EPM2A: variants seen among roughly 807,000 people sequenced by gnomAD.
EPM2A encodes the protein laforin.
In EPM2A, 21 loss-of-function variants were observed where a neutral mutation model predicts 26.5. The ratio of observed to expected loss-of-function variants is 0.79; its 90% CI spans 0.56 to 1.14. The LOEUF is 1.14. Among genes scored for constraint, EPM2A ranks in the 50% most tolerant of loss-of-function variants. The pLI, the probability that EPM2A is intolerant of heterozygous loss-of-function variation, is 0.00. For synonymous variants in EPM2A, 217 were observed against 177.6 expected (o/e 1.22, Z -1.76); for missense variants, 458 against 440.8 (o/e 1.04, Z -0.35).
intron 2 of EPM2A, among the ~76,000 whole-genome samples, chr6:145,518,314 A>T (rs1422846272): frequency 6.6e-6 from 1 of 152,064 alleles, no homozygotes; most frequent in Non-Finnish European, 1.5e-5. Context: ...TTTTGGGGTG[A>T]TTTATTTTGG....
intron 4 of EPM2A, chr6:145,491,620 C>G (rs151245054): frequency 2.8e-6 from 1 of 359,302 alleles, no homozygotes; most frequent in East Asian, 7.8e-5. Flanking sequence ...TTGGAAATGA[C>G]ATTCGAGTGG....
intron 1 of EPM2A, among the ~76,000 whole-genome samples, chr6:145,719,087 A>G (rs537907813): frequency 6.6e-6 from 1 of 152,316 alleles, no homozygotes; most frequent in South Asian, 2.1e-4. Flanking sequence ...ATCTAGAACT[A>G]GAAATACCAT....
At chr6:145,434,071 T>G (rs921916400) in intron 4 of EPM2A, among the ~76,000 whole-genome samples, 5 of 152,096 alleles carry the variant, frequency 3.3e-5, no homozygotes, top group African/African-American at 1.2e-4. Context: ...GATATTTTCC[T>G]TGGGTATTGA....
intron 1 of EPM2A, among the ~76,000 whole-genome samples, chr6:145,727,699 GA>G (rs1344641969): frequency 6.6e-6 from 1 of 152,180 alleles, no homozygotes; most frequent in Non-Finnish European, 1.5e-5. Context: ...TGTTGTACAT[GA>G]TATTTTTGTT....
intron 1 of EPM2A, among the ~76,000 whole-genome samples, chr6:145,704,225 C>A (rs6914491): frequency 6.6e-6 from 1 of 151,960 alleles, no homozygotes; most frequent in Non-Finnish European, 1.5e-5. Context: ...TATCTGAATT[C>A]TTTGAGAGAA....
intron 1 of EPM2A, among the ~76,000 whole-genome samples, chr6:145,727,604 A>T (rs769172652): frequency 1.3e-5 from 2 of 152,118 alleles, no homozygotes; most frequent in Non-Finnish European, 2.9e-5. Flanking sequence ...CAGGATATAA[A>T]AGAATGAATA....
At chr6:145,606,499 G>A (rs992135187) in intron 2 of EPM2A, among the ~76,000 whole-genome samples, 10 of 150,338 alleles carry the variant, frequency 6.7e-5, no homozygotes, top group African/African-American at 2.4e-4. Flanking sequence ...CTTTTAAATG[G>A]GAAATATTTC....
intron 1 of EPM2A, among the ~76,000 whole-genome samples, chr6:145,720,351 T>C (rs1198832041): frequency 6.6e-6 from 1 of 152,188 alleles, no homozygotes; most frequent in African/African-American, 2.4e-5. Flanking sequence ...TTACATAAAA[T>C]AGTTTTACTT....
chr6:145,712,490 A>C (rs546800908), intron 1 of EPM2A, among the ~76,000 whole-genome samples: 1 of 152,250 alleles, frequency 6.6e-6, no homozygotes, highest in South Asian at 2.1e-4. Flanking sequence ...CTTTACCAGT[A>C]TGATCCTGAA....
At position 145,686,209 on chromosome 6, in the gene EPM2A, A is replaced by G. The variant is rs1210457370; in HGVS notation, c.389T>C (p.Ile130Thr). 1 of 1,613,802 alleles carries G rather than the reference A, an allele frequency of 6.2e-7. No individual in the cohort carries two copies. Among genetic ancestry groups the G allele is most frequent in the Non-Finnish European group, 8.5e-7 (1 of 1,179,728 alleles). ...TTCATTGGTGTGCCCAGTGGCCTCA[A>G]TCCAGTGTCCTATTGGGAGACAATA... ...GVYCLPIGHW[I>T]EATGHTNEMK... Residue 130 changes from isoleucine (I) to threonine (T), a missense_variant, in exon 2 of 4, where the codon ATT becomes ACT. Coordinates refer to ENST00000367519, the MANE Select transcript of EPM2A (RefSeq NM_005670.4).
intron 1 of EPM2A, among the ~76,000 whole-genome samples, chr6:145,707,714 T>C (rs1432407209): frequency 9.9e-5 from 15 of 152,244 alleles, no homozygotes; most frequent in Non-Finnish European, 1.0e-4. Flanking sequence ...GTGAGTCAGT[T>C]AAACTTCCTT....
intron 2 of EPM2A, among the ~76,000 whole-genome samples, chr6:145,611,613 T>A (rs1187392625): frequency 6.6e-6 from 1 of 152,122 alleles, no homozygotes; most frequent in Non-Finnish European, 1.5e-5. Flanking sequence ...ATTGTCAATG[T>A]AATAACAATA....
rs1777268415 is a variant in EPM2A at position 145,643,907 on chromosome 6, T to C, written c.477-8421A>G. Reference sequence around the variant, plus strand: ...TTCATCTAGACCACTGCATCTCCCATATTAATGTGGAGATGAGTCATCTGG... The same window carrying C: ...TTCATCTAGACCACTGCATCTCCCACATTAATGTGGAGATGAGTCATCTGG... On this transcript the variant is annotated intron_variant, in intron 2 of 3. Coordinates refer to ENST00000367519, the MANE Select transcript of EPM2A (RefSeq NM_005670.4). 1.3e-5 allele frequency among the ~76,000 whole-genome samples: 2 copies of C among 152,106 alleles called. 1 individual carries two copies. Among genetic ancestry groups the C allele is most frequent in the South Asian group, 4.1e-4 (2 of 4,832 alleles).
intron 1 of EPM2A, among the ~76,000 whole-genome samples, chr6:145,716,936 C>G (rs1322774911): frequency 6.6e-6 from 1 of 152,074 alleles, no homozygotes; most frequent in African/African-American, 2.4e-5. Context: ...AGAAAAGATC[C>G]TATTTTTCAT....
intron 2 of EPM2A, among the ~76,000 whole-genome samples, chr6:145,676,664 A>T (rs1780066444): frequency 6.6e-6 from 1 of 152,230 alleles, no homozygotes. Context: ...TATCCAAATA[A>T]ACTAGAAAAT....
intron 1 of EPM2A, among the ~76,000 whole-genome samples, chr6:145,689,845 G>A (rs1405297439): frequency 6.6e-6 from 1 of 152,188 alleles, no homozygotes; most frequent in Non-Finnish European, 1.5e-5. Context: ...CATCATCGTT[G>A]GCAATATAGT....
chr6:145,573,977 C>G (rs181255434), intron 2 of EPM2A, among the ~76,000 whole-genome samples: 1 of 152,152 alleles, frequency 6.6e-6, no homozygotes, highest in Non-Finnish European at 1.5e-5. Context: ...TGATCATTTC[C>G]TTTTCCCCAA....
intron 1 of EPM2A, among the ~76,000 whole-genome samples, chr6:145,724,635 G>T (rs553129637): frequency 5.4e-4 from 82 of 152,196 alleles, no homozygotes; most frequent in African/African-American, 1.9e-3. Flanking sequence ...AATGAACAGA[G>T]TGTGATACTG....
At chr6:145,451,901 A>G (rs1779199953) in intron 4 of EPM2A, among the ~76,000 whole-genome samples, 2 of 152,252 alleles carry the variant, frequency 1.3e-5, no homozygotes, top group African/African-American at 4.8e-5. Flanking sequence ...TAAGGAGTGT[A>G]AAAGGTTTCT....
Sources: gnomAD v4.1 joint callset for allele counts (sites outside exome capture counted in the v4.1 genomes callset) on GRCh38, gnomAD v4.1.1 for gene constraint, MANE v1.5 for transcripts, NCBI Gene and HGNC (gene_info 2026-07-23, HGNC 2026-07-21) for gene names.